Variants in RAF1 observed in about 807,000 individuals in gnomAD.
The protein encoded by RAF1 is Raf-1 proto-oncogene, serine/threonine kinase, also known as RAF proto-oncogene serine/threonine-protein kinase.
Under a neutral mutation model 81.1 loss-of-function variants are expected in RAF1, and 27 were observed. The ratio of observed to expected loss-of-function variants is 0.33; its 90% CI spans 0.25 to 0.46. The LOEUF is 0.46. Ranked by LOEUF, RAF1 falls within the 20% of genes least tolerant of loss-of-function variation. RAF1 has a pLI of 1.00. For missense variants in RAF1, 598 were observed against 826.0 expected (o/e 0.72, Z 3.38); for synonymous variants, 298 against 294.0 (o/e 1.01, Z -0.14).
intron 11 of RAF1, among the ~76,000 whole-genome samples, chr3:12,594,550 A>G (rs2058626109): frequency 6.6e-6 from 1 of 152,200 alleles, no homozygotes; most frequent in Non-Finnish European, 1.5e-5. Flanking sequence ...CTCAGAATTC[A>G]GAGCCAAGCC....
At chr3:12,604,378 T>G in intron 6 of RAF1, 89 bp from the exon 7 acceptor site, 1 of 1,375,058 alleles carries the variant, frequency 7.3e-7, no homozygotes, top group Non-Finnish European at 1.0e-6. Context: ...AGTAAGATGC[T>G]TAAGGGCAAA....
At chr3:12,615,449 T>G (rs1392968968) in intron 2 of RAF1, among the ~76,000 whole-genome samples, 1 of 152,186 alleles carries the variant, frequency 6.6e-6, no homozygotes, top group Non-Finnish European at 1.5e-5. Context: ...TAGAACCCAC[T>G]GAGTGATTAT....
In RAF1 at chr3:12,590,923, G is replaced by A. The variant is rs759741974; in HGVS notation, c.1305C>T (p.Asp435=). 5.0e-6 allele frequency: 8 copies of A among 1,613,868 alleles called. No individual in the cohort carries two copies. The South Asian group carries it at 7.7e-5, about 16-fold the overall frequency. ...ACCACTGGGTCACAATTGCCAGGTT[G>A]TCCTTTGTCATGTACCCCATGAAAA... is the stretch of plus-strand genomic sequence containing the variant. The change falls in exon 13 of 18, where the codon GAC becomes GAT. Residue 435 remains aspartate (D), a synonymous_variant. Coordinates refer to ENST00000442415, the MANE Select transcript of RAF1 (RefSeq NM_001354689.3).
chr3:12,585,130 GGTT>G lies in RAF1; in HGVS notation c.1717_1719del (p.Asn573del), dbSNP rs1455454651. On this transcript the variant is annotated inframe_deletion, in exon 16 of 18. Coordinates refer to ENST00000442415, the MANE Select transcript of RAF1 (RefSeq NM_001354689.3). ...CACCAGCACAGACTTACCTGATCTC[GGTT>G]GTTGATGTGAGAATAAGGAAGCTCC... is the stretch of plus-strand genomic sequence containing the variant. The G allele has an allele frequency of 5.0e-6, 8 of 1,614,116 alleles. No individual in the cohort carries two copies. Among genetic ancestry groups the G allele is most frequent in the Non-Finnish European group, 6.8e-6 (8 of 1,180,020 alleles).
intron 1 of RAF1, among the ~76,000 whole-genome samples, chr3:12,637,832 G>A (rs1049433140): frequency 3.3e-5 from 5 of 152,050 alleles, no homozygotes; most frequent in African/African-American, 9.7e-5. Context: ...CAGCCTGGGC[G>A]ATAGAGCAAG....
In RAF1 at chr3:12,600,198, T is replaced by C. The variant is rs2058816346; in HGVS notation, c.1004A>G (p.Gln335Arg). The change falls in exon 10 of 18, where the codon CAA becomes CGA. Residue 335 changes from glutamine (Q) to arginine (R), a missense_variant. Physicochemically the swap from Gln to Arg is conservative, Grantham distance 43 (BLOSUM62 1). This residue lies in a region of RAF1 where 194 missense variants were observed against 202.7 expected (regional missense o/e 0.96). Transcript: ENST00000442415. ...CCCAGATACTGGTGCCCGCTCTCTT[T>C]GTGCTGGCACGGGGGTTTTCGGCTG... The C allele has an allele frequency of 6.2e-7, 1 of 1,614,114 alleles. No homozygotes were observed. The highest frequency in any genetic ancestry group is 8.5e-7 in the Non-Finnish European group (1 of 1,180,036).
At chr3:12,627,539 C>T (rs1321551638) in intron 1 of RAF1, among the ~76,000 whole-genome samples, 4 of 152,182 alleles carry the variant, frequency 2.6e-5, no homozygotes, top group African/African-American at 9.7e-5. Context: ...GTTATCTTAG[C>T]TTTCTGTAGT....
chr3:12,630,581 A>G (rs2059831129), intron 1 of RAF1, among the ~76,000 whole-genome samples: 3 of 152,338 alleles, frequency 2.0e-5, no homozygotes, highest in South Asian at 4.1e-4. Context: ...CTTGCAGATA[A>G]CTGAGAGAAC....
At chr3:12,626,627 A>G (rs1288554884) in intron 1 of RAF1, among the ~76,000 whole-genome samples, 1 of 152,050 alleles carries the variant, frequency 6.6e-6, no homozygotes, top group Non-Finnish European at 1.5e-5. Context: ...AATATTGTTA[A>G]GTATGTAATT....
At chr3:12,618,791 T>TCAA (rs562147818) in intron 1 of RAF1, 44 bp from the exon 2 acceptor site, 164 of 1,488,008 alleles carry the variant, frequency 1.1e-4, no homozygotes, top group Non-Finnish European at 1.4e-4. Flanking sequence ...ACAAAAGTAT[T>TCAA]CAACCCAAGA....
chr3:12,622,125 T>A (rs1489760194), intron 1 of RAF1, among the ~76,000 whole-genome samples: 2 of 152,142 alleles, frequency 1.3e-5, no homozygotes, highest in African/African-American at 4.8e-5. Flanking sequence ...TATCCCCAGG[T>A]TACTATGAGG....
chr3:12,619,678 T>G (rs887128391), intron 1 of RAF1, among the ~76,000 whole-genome samples: 1 of 152,044 alleles, frequency 6.6e-6, no homozygotes, highest in Non-Finnish European at 1.5e-5. Flanking sequence ...TACCCTTGAG[T>G]GTGAGCAACA....
At chr3:12,635,745 G>A (rs2060005772) in intron 1 of RAF1, among the ~76,000 whole-genome samples, 1 of 151,924 alleles carries the variant, frequency 6.6e-6, no homozygotes, top group Non-Finnish European at 1.5e-5. Flanking sequence ...AGGCCAAGGT[G>A]GGCGGATCAC....
At chr3:12,648,896 C>A (rs2060435570) in intron 1 of RAF1, among the ~76,000 whole-genome samples, 1 of 152,202 alleles carries the variant, frequency 6.6e-6, no homozygotes, top group Non-Finnish European at 1.5e-5. Context: ...GGGCGGATCA[C>A]CTGAGGTCGG....
intron 3 of RAF1, 112 bp from the exon 4 acceptor site, chr3:12,609,447 A>G (rs1029386158): frequency 9.7e-6 from 7 of 720,930 alleles, no homozygotes; most frequent in Non-Finnish European, 1.7e-5. Flanking sequence ...TATTTAATCC[A>G]TACAACAATA....
intron 11 of RAF1, among the ~76,000 whole-genome samples, chr3:12,596,739 GA>G (rs1289926780): frequency 6.6e-6 from 1 of 152,092 alleles, no homozygotes; most frequent in East Asian, 1.9e-4. Flanking sequence ...GAATATGGCG[GA>G]AAAAAGTATT....
chr3:12,587,383 A>T, intron 14 of RAF1: 1 of 624,584 alleles, frequency 1.6e-6, no homozygotes, highest in African/African-American at 1.8e-5. Flanking sequence ...TAACCTAAAC[A>T]TCGCTCTCAT....
At chr3:12,585,296 T>C (rs376578702) in intron 15 of RAF1, 43 bp from the exon 15 acceptor site, 79 of 1,611,954 alleles carry the variant, frequency 4.9e-5, no homozygotes, top group Non-Finnish European at 5.8e-5. Flanking sequence ...TATCACCATA[T>C]GACAGGCCTC....
intron 1 of RAF1, among the ~76,000 whole-genome samples, chr3:12,619,869 T>A (rs897734967): frequency 2.6e-5 from 4 of 151,828 alleles, no homozygotes; most frequent in Admixed American, 6.6e-5. Flanking sequence ...GATCACAAGG[T>A]CAGGAGATCG....
Sources: allele counts gnomAD v4.1 joint callset (sites outside exome capture counted in the v4.1 genomes callset), GRCh38; gene constraint gnomAD v4.1.1; regional missense constraint gnomAD v4.1.1; transcripts MANE v1.5; gene names NCBI Gene and HGNC (gene_info 2026-07-23, HGNC 2026-07-21).